KLHL24: variants seen among roughly 807,000 people sequenced by gnomAD.
The protein encoded by KLHL24 is kelch like family member 24, also known as kelch-like protein 24.
In KLHL24, 29 loss-of-function variants were observed where a neutral mutation model predicts 53.4. The observed-to-expected ratio is 0.54, with a 90% CI of 0.40 to 0.74. The LOEUF (loss-of-function observed/expected upper bound fraction) is 0.74. Ranked by LOEUF, KLHL24 falls within the 30% of genes least tolerant of loss-of-function variation. KLHL24 has a pLI of 0.00. For missense variants in KLHL24, 504 were observed against 744.0 expected (o/e 0.68, Z 3.75); for synonymous variants, 222 against 253.7 (o/e 0.88, Z 1.19).
At chr3:183,653,968 T>A (rs1452218017) in intron 3 of KLHL24, among the ~76,000 whole-genome samples, 1 of 152,150 alleles carries the variant, frequency 6.6e-6, no homozygotes, top group Non-Finnish European at 1.5e-5. Flanking sequence ...TTTGTACAGG[T>A]TCTCATCTTT....
rs150990722 is a variant in KLHL24 at position 183,660,101 on chromosome 3, T to G, written c.921-3357T>G. 9.9e-5 allele frequency among the ~76,000 whole-genome samples: 15 copies of G among 150,990 alleles called. No individual in the cohort carries two copies. The East Asian group carries it at 2.5e-3, about 25-fold the overall frequency. On this transcript the variant is annotated intron_variant, in intron 3 of 7. Transcript: ENST00000242810. ...TTAGCAAATTTTCAGCTCGAAGAGG[T>G]AACATTGTAAACCTTTGGCGTTTTT...
rs993687352 is a variant in KLHL24 at position 183,640,877 on chromosome 3, G to A, written c.-124-2603G>A. Among the ~76,000 whole-genome samples the A allele has an allele frequency of 2.6e-5, 4 of 152,012 alleles. No individual in the cohort carries two copies. The East Asian group carries it at 7.8e-4, about 29-fold the overall frequency. On this transcript the variant is annotated intron_variant, in intron 1 of 7. Transcript: ENST00000242810. ...AGCCTCTCAAAGTGCTGGGACTGCAGGCGTGAGCCACCTCGGCCAGCCAGT... is the reference window on the plus strand; with the variant it reads ...AGCCTCTCAAAGTGCTGGGACTGCAAGCGTGAGCCACCTCGGCCAGCCAGT...
At chr3:183,668,219 A>T (rs902881723) in intron 5 of KLHL24, among the ~76,000 whole-genome samples, 2 of 151,990 alleles carry the variant, frequency 1.3e-5, no homozygotes, top group African/African-American at 4.8e-5. Context: ...AGGACAAAAT[A>T]TTACTGGAAA....
chr3:183,650,686 T>C lies in KLHL24; in HGVS notation c.330T>C (p.Asn110=). The C allele has an allele frequency of 6.2e-7, 1 of 1,614,042 alleles. No homozygotes were observed. Among genetic ancestry groups the C allele is most frequent in the Non-Finnish European group, 8.5e-7 (1 of 1,179,986 alleles). ...RESREMLVEI[N]GILAEAMECF... is the part of the protein sequence containing the mutation. The stretch of plus-strand genomic sequence containing the variant: ...GCCGAGAAATGTTGGTTGAGATCAA[T>C]GGTATTTTAGCTGAAGCTATGGAAT... The change falls in exon 3 of 8, where the codon AAT becomes AAC. Residue 110 remains asparagine, a synonymous_variant. Transcript: ENST00000242810. The surrounding 1 kb of genome is among the most constrained non-coding windows in gnomAD (Gnocchi z 4.5).
rs940043253 is a variant in KLHL24, at chr3:183,683,086, G to A, written c.*3800G>A. 1 of 152,218 alleles carries A rather than the reference G, an allele frequency of 6.6e-6. No individual in the cohort carries two copies. Among genetic ancestry groups the A allele is most frequent in the East Asian group, 1.9e-4 (1 of 5,204 alleles). The allele number at this position is 152,218 out of a possible 1,614,324, so 9.4% of individuals were successfully genotyped here. On this transcript the variant is annotated 3_prime_UTR_variant, in exon 8 of 8. Transcript: ENST00000242810. ...AGCCTCCCGAGTAGCTGAGACCACA[G>A]GTGCGTGCCACCACACCCGGCTAAT... is the stretch of plus-strand genomic sequence containing the variant.
At chr3:183,637,018 C>G (rs534508131) in intron 1 of KLHL24, among the ~76,000 whole-genome samples, 2 of 152,180 alleles carry the variant, frequency 1.3e-5, no homozygotes, top group African/African-American at 4.8e-5. Flanking sequence ...GCAGGAAGTC[C>G]TGCGAACACG....
chr3:183,657,373 G>T (rs1719061147), intron 3 of KLHL24, among the ~76,000 whole-genome samples: 1 of 152,142 alleles, frequency 6.6e-6, no homozygotes, highest in East Asian at 1.9e-4. Flanking sequence ...TCATTTTGAG[G>T]TTGGAATCAG....
At chr3:183,638,839 T>C (rs35993231) in intron 1 of KLHL24, among the ~76,000 whole-genome samples, 50,468 of 151,876 alleles carry the variant, frequency 0.33, 9,188 homozygotes, top group African/African-American at 0.49. Context: ...TCTGCCTATA[T>C]TCATCATCCC....
chr3:183,643,577 T>C (rs1325394551), intron 2 of KLHL24, 35 bp downstream of exon 2: 2 of 152,256 alleles, frequency 1.3e-5, no homozygotes, highest in Non-Finnish European at 1.5e-5. Context: ...ATCTAAATGT[T>C]GTTATTAGAG....
chr3:183,637,150 A>G (rs1715431220), intron 1 of KLHL24, among the ~76,000 whole-genome samples: 1 of 152,166 alleles, frequency 6.6e-6, no homozygotes, highest in Non-Finnish European at 1.5e-5. Context: ...GTGGATTTTA[A>G]TGATTAATCA....
chr3:183,670,933 CA>C, intron 5 of KLHL24, 100 bp from the exon 6 acceptor site: 1 of 778,056 alleles, frequency 1.3e-6, no homozygotes. Flanking sequence ...ATTTATTTAG[CA>C]AGGGCATTTT....
At position 183,650,884 on chromosome 3, in the gene KLHL24, T is replaced by C. The variant is rs766150239; in HGVS notation, c.528T>C (p.Asp176=). 12 of 1,614,192 alleles carry C rather than the reference T, an allele frequency of 7.4e-6. No homozygotes were observed. The highest frequency in any genetic ancestry group is 1.0e-5 in the Non-Finnish European group (12 of 1,180,030). ...GCTTAGGAATCCAGCGCTTTGCTGA[T>C]ACCCATTCACTCAAAACACTCTTCA... The part of the protein sequence containing the change: ...CNCLGIQRFA[D]THSLKTLFTK... Residue 176 remains aspartate, a synonymous_variant, in exon 3 of 8, where the codon GAT becomes GAC. Transcript: ENST00000242810. The surrounding 1 kb of genome is among the most constrained non-coding windows in gnomAD (Gnocchi z 4.5).
chr3:183,674,422 G>A (rs140607207), intron 7 of KLHL24, among the ~76,000 whole-genome samples: 5 of 150,652 alleles, frequency 3.3e-5, no homozygotes, highest in Admixed American at 1.3e-4. Flanking sequence ...GTGCAATGGC[G>A]CGATCTCCAC....
chr3:183,637,044 T>TAAAC, intron 1 of KLHL24, among the ~76,000 whole-genome samples: 1 of 152,338 alleles, frequency 6.6e-6, no homozygotes, highest in Non-Finnish European at 1.5e-5. Context: ...GCCAGTTCTG[T>TAAAC]AAACGTGTTT....
chr3:183,672,681 A>G, intron 7 of KLHL24, 197 bp downstream of exon 7: 1 of 333,590 alleles, frequency 3.0e-6, no homozygotes, highest in Non-Finnish European at 5.5e-6. Context: ...CCTGGCTAAT[A>G]TGGTGAAACC....
chr3:183,652,467 T>A (rs1230716065), intron 3 of KLHL24, among the ~76,000 whole-genome samples: 1 of 152,074 alleles, frequency 6.6e-6, no homozygotes, highest in East Asian at 1.9e-4. Flanking sequence ...ACACATAACA[T>A]AAACTTTACT....
chr3:183,672,159 C>G lies in KLHL24; in HGVS notation c.1414-137C>G, dbSNP rs539870038. Reference sequence around the variant, plus strand: ...GTTCGTAATTCAGACATTTCACTATCAGGCTAACCTCTCTTAATTCTCTGA... The same window carrying G: ...GTTCGTAATTCAGACATTTCACTATGAGGCTAACCTCTCTTAATTCTCTGA... On this transcript the variant is annotated intron_variant, in intron 6 of 7. Coordinates refer to ENST00000242810, the MANE Select transcript of KLHL24 (RefSeq NM_017644.3). 3 of 454,274 alleles carry G rather than the reference C, an allele frequency of 6.6e-6. No homozygotes were observed. The Admixed American group carries it at 1.2e-4, about 18-fold the overall frequency. 28.1% of individuals were successfully genotyped at this position (454,274 alleles called of 1,614,324 possible). A position where few individuals can be genotyped will look rare whatever the true frequency, so the allele number is the denominator to read the frequency against.
chr3:183,649,539 A>C (rs1377444237), intron 2 of KLHL24, among the ~76,000 whole-genome samples: 1 of 151,868 alleles, frequency 6.6e-6, no homozygotes, highest in East Asian at 1.9e-4. Flanking sequence ...AAAAAAAAGG[A>C]CTTGCTGGTC....
At position 183,684,316 on chromosome 3, in the gene KLHL24, A is replaced by T. The variant is rs1712984996; in HGVS notation, c.*5030A>T. On this transcript the variant is annotated 3_prime_UTR_variant, in exon 8 of 8. Transcript: ENST00000242810. Reference sequence around the variant, plus strand: ...GACCTAAGGTCATTTGCTTTCAATTAGAGGCTCCAGAGTCTTCATAGTGGA... The same window carrying T: ...GACCTAAGGTCATTTGCTTTCAATTTGAGGCTCCAGAGTCTTCATAGTGGA... The T allele has an allele frequency of 6.6e-6, 1 of 152,634 alleles. No individual in the cohort carries two copies. Among genetic ancestry groups the T allele is most frequent in the Non-Finnish European group, 1.5e-5 (1 of 68,026 alleles). The allele number at this position is 152,634 out of a possible 1,614,324, so 9.5% of individuals were successfully genotyped here.
Sources: gnomAD v4.1 joint callset for allele counts (sites outside exome capture counted in the v4.1 genomes callset) on GRCh38, gnomAD v4.1.1 for gene constraint, Gnocchi (gnomAD v3.1) non-coding constraint, MANE v1.5 for transcripts, NCBI Gene and HGNC (gene_info 2026-07-23, HGNC 2026-07-21) for gene names.